The following GTF2H5 variants were observed in gnomAD, a reference collection of about 807,000 sequenced individuals.
The protein encoded by GTF2H5 is general transcription factor IIH subunit 5.
A neutral mutation model predicts 7.1 loss-of-function variants in GTF2H5; 5 were observed. That is an observed-to-expected ratio of 0.71 (90% CI 0.37 to 1.49). The LOEUF (loss-of-function observed/expected upper bound fraction) is 1.49, where lower values mean the gene tolerates loss of function less well. GTF2H5 is among the 40% of genes most tolerant of loss of function. The pLI, the probability that GTF2H5 is intolerant of heterozygous loss-of-function variation, is 0.03. For missense variants in GTF2H5, 80 were observed against 83.0 expected (o/e 0.96, Z 0.14); for synonymous variants, 30 against 31.7 (o/e 0.95, Z 0.18).
rs1474826256 is a variant in GTF2H5 at position 158,192,134 on chromosome 6, G to C, written c.193G>C (p.Ala65Pro). ...ERVGELMDQN[A>P]FSLTQK ...AGTGGGTGAATTAATGGACCAAAAT[G>C]CTTTTTCCCTTACCCAGAAATGAAA... is the stretch of plus-strand genomic sequence containing the variant. Residue 65 changes from alanine to proline, a missense_variant, in exon 3 of 3, where the codon GCT (alanine) becomes CCT (proline). Transcript: ENST00000607778. 6.2e-7 allele frequency: 1 copy of C among 1,613,050 alleles called. No individual in the cohort carries two copies. The highest frequency in any genetic ancestry group is 1.3e-5 in the African/African-American group (1 of 74,990).
At chr6:158,182,606 T>C (rs889728850) in intron 2 of GTF2H5, among the ~76,000 whole-genome samples, 3 of 151,976 alleles carry the variant, frequency 2.0e-5, no homozygotes, top group Non-Finnish European at 4.4e-5. Context: ...TCTTGTCTTC[T>C]TGTTGTATTT....
chr6:158,178,984 AT>A (rs1562472825), intron 2 of GTF2H5, among the ~76,000 whole-genome samples: 1 of 152,090 alleles, frequency 6.6e-6, no homozygotes, highest in Non-Finnish European at 1.5e-5. Context: ...CCTAGGTGTT[AT>A]GTTTAAGTCT....
chr6:158,199,342 C>T lies in GTF2H5; in HGVS notation c.*7185C>T, dbSNP rs1032612995. 1 of 152,280 alleles carries T rather than the reference C, an allele frequency of 6.6e-6. No individual in the cohort carries two copies. Among genetic ancestry groups the T allele is most frequent in the African/African-American group, 2.4e-5 (1 of 41,540 alleles). The allele number at this position is 152,280 out of a possible 1,614,324, so 9.4% of individuals were successfully genotyped here. A position where few individuals can be genotyped will look rare whatever the true frequency, so the allele number is the denominator to read the frequency against. On this transcript the variant is annotated 3_prime_UTR_variant, in exon 3 of 3. Transcript: ENST00000607778. ...GTCTAAAATAAAAATTTTAAAAAAACTATATCTGTCACAGCCTGTTTTTAT... is the reference window on the plus strand; with the variant it reads ...GTCTAAAATAAAAATTTTAAAAAAATTATATCTGTCACAGCCTGTTTTTAT...
In GTF2H5 at chr6:158,192,526, G is replaced by C. The variant is rs1489835313; in HGVS notation, c.*369G>C. The C allele has an allele frequency of 7.3e-6, 2 of 273,192 alleles. No individual in the cohort carries two copies. The highest frequency in any genetic ancestry group is 1.4e-5 in the Non-Finnish European group (2 of 141,302). 16.9% of individuals were successfully genotyped at this position (273,192 alleles called of 1,614,324 possible). The stretch of plus-strand genomic sequence containing the variant: ...GGATGTGATTGTTTGGTTTCAGTTA[G>C]AAACGTCATAGATTTGCTGTTTGAA... On this transcript the variant is annotated 3_prime_UTR_variant, in exon 3 of 3. Transcript: ENST00000607778.
At chr6:158,187,933 A>C (rs1315236343) in intron 2 of GTF2H5, among the ~76,000 whole-genome samples, 1 of 152,192 alleles carries the variant, frequency 6.6e-6, no homozygotes, top group Non-Finnish European at 1.5e-5. Flanking sequence ...GGTATGAGGC[A>C]TGCCCAACCC....
At position 158,197,030 on chromosome 6, in the gene GTF2H5, C is replaced by A. The variant is rs1348956433; in HGVS notation, c.*4873C>A. The stretch of plus-strand genomic sequence containing the variant: ...AGCCCAGGTCAGCTGCAGACAAAAG[C>A]AGAGCTTTCGATGGAAATGTCAAAC... On this transcript the variant is annotated 3_prime_UTR_variant, in exon 3 of 3. Coordinates refer to ENST00000607778, the MANE Select transcript of GTF2H5 (RefSeq NM_207118.3). 1 of 152,250 alleles carries A rather than the reference C, an allele frequency of 6.6e-6. No homozygotes were observed. Among genetic ancestry groups the A allele is most frequent in the Non-Finnish European group, 1.5e-5 (1 of 68,050 alleles). 9.4% of individuals were successfully genotyped at this position (152,250 alleles called of 1,614,324 possible).
chr6:158,170,699 G>A (rs1370195688), intron 2 of GTF2H5, among the ~76,000 whole-genome samples, 161 bp downstream of exon 2: 1 of 152,180 alleles, frequency 6.6e-6, no homozygotes, highest in African/African-American at 2.4e-5. Context: ...CCTGGTGCCA[G>A]ATTTCAGTCC....
In GTF2H5 at chr6:158,193,948, C is replaced by CA. The variant is rs1380685359; in HGVS notation, c.*1792dup. The CA allele has an allele frequency of 1.8e-4, 26 of 142,938 alleles. No homozygotes were observed. The highest frequency in any genetic ancestry group is 6.6e-4 in the African/African-American group (25 of 38,166). The allele number at this position is 142,938 out of a possible 1,614,324, so 8.9% of individuals were successfully genotyped here. A position where few individuals can be genotyped will look rare whatever the true frequency, so the allele number is the denominator to read the frequency against. On this transcript the variant is annotated 3_prime_UTR_variant, in exon 3 of 3. Coordinates refer to ENST00000607778, the MANE Select transcript of GTF2H5 (RefSeq NM_207118.3). ...AGCTTGCAGTAAGCTGAGATTGTGCCACTGCACTCCAGCCTGGGCGACAGA... is the reference window on the plus strand; with the variant it reads ...AGCTTGCAGTAAGCTGAGATTGTGCCAACTGCACTCCAGCCTGGGCGACAGA...
intron 2 of GTF2H5, among the ~76,000 whole-genome samples, chr6:158,172,585 A>G (rs1451650224): frequency 6.6e-6 from 1 of 152,280 alleles, no homozygotes; most frequent in South Asian, 2.1e-4. Flanking sequence ...GGCATGAGCC[A>G]CTGCACCCAG....
At chr6:158,188,034 G>A (rs201705842) in intron 2 of GTF2H5, among the ~76,000 whole-genome samples, 1 of 152,158 alleles carries the variant, frequency 6.6e-6, no homozygotes, top group Non-Finnish European at 1.5e-5. Context: ...TGGCAGATGG[G>A]GGGTGGGGTG....
intron 2 of GTF2H5, among the ~76,000 whole-genome samples, chr6:158,175,902 A>C (rs138173300): frequency 5.3e-4 from 81 of 152,348 alleles, no homozygotes; most frequent in African/African-American, 1.8e-3. Context: ...CAGACATTTT[A>C]AGTGATTCAG....
rs116151978 is a variant in GTF2H5, at chr6:158,170,821, T to C, written c.35+283T>C. Among the ~76,000 whole-genome samples, 1,332 of 152,314 alleles carry C rather than the reference T, an allele frequency of 8.7e-3. 22 individuals are homozygous for C. Among genetic ancestry groups the C allele is most frequent in the African/African-American group, 0.03 (1,260 of 41,562 alleles). ...CTCAAACATGATGAATTTTAGGGCC[T>C]GAAAGAGTTCAGGAACTTGCTTAAG... On this transcript the variant is annotated intron_variant, in intron 2 of 2. Transcript: ENST00000607778.
rs578172603 is a variant in GTF2H5 at position 158,169,191 on chromosome 6, G to A, written c.-35+796G>A. ...AGAGGTTGCAGTGAGCCGACATCAC[G>A]ACACTGCGCTCCAGCCTGGGCGACA... is the stretch of plus-strand genomic sequence containing the variant. On this transcript the variant is annotated intron_variant, in intron 1 of 2. Transcript: ENST00000607778. Among the ~76,000 whole-genome samples, 7 of 146,584 alleles carry A rather than the reference G, an allele frequency of 4.8e-5. No homozygotes were observed. The East Asian group carries it at 5.9e-4, about 12-fold the overall frequency.
intron 1 of GTF2H5, among the ~76,000 whole-genome samples, chr6:158,169,386 T>A (rs1370713663): frequency 3.9e-4 from 38 of 97,196 alleles, no homozygotes; most frequent in African/African-American, 1.5e-3. Context: ...TATTATATAT[T>A]ATATATAATA....
chr6:158,185,602 G>T (rs1776906335), intron 2 of GTF2H5, among the ~76,000 whole-genome samples: 1 of 151,582 alleles, frequency 6.6e-6, no homozygotes, highest in Non-Finnish European at 1.5e-5. Flanking sequence ...AGTGTTCACT[G>T]GCCAGTCATT....
rs10625768 is a variant in GTF2H5, at chr6:158,192,905, C to CAAAAAAA, written c.*768_*774dup. ...CCTGGACAACAGAGAGACCCTGCCT[C>CAAAAAAA]AAAAAAAAAAAAAAAAAAAAAAAAA... On this transcript the variant is annotated 3_prime_UTR_variant, in exon 3 of 3. Transcript: ENST00000607778. The CAAAAAAA allele has an allele frequency of 8.1e-5, 4 of 49,326 alleles. 2 individuals are homozygous for CAAAAAAA. The highest frequency in any genetic ancestry group is 3.2e-4 in the African/African-American group (4 of 12,640). 3.1% of individuals were successfully genotyped at this position (49,326 alleles called of 1,614,324 possible).
At chr6:158,189,771 T>A (rs947388080) in intron 2 of GTF2H5, among the ~76,000 whole-genome samples, 1 of 152,210 alleles carries the variant, frequency 6.6e-6, no homozygotes, top group African/African-American at 2.4e-5. Context: ...CTCTTCACTG[T>A]CTCTAATTTC....
intron 2 of GTF2H5, among the ~76,000 whole-genome samples, chr6:158,182,683 T>A (rs1315686927): frequency 6.6e-6 from 1 of 151,996 alleles, no homozygotes; most frequent in Non-Finnish European, 1.5e-5. Context: ...TTGAAGCTTG[T>A]ATGTGCTTCA....
intron 1 of GTF2H5, among the ~76,000 whole-genome samples, chr6:158,169,502 A>AT (rs1583624352): frequency 9.6e-5 from 6 of 62,736 alleles, no homozygotes; most frequent in East Asian, 5.2e-4. Flanking sequence ...ATATTATATA[A>AT]TATATTGTAT....
Sources: allele counts gnomAD v4.1 joint callset (sites outside exome capture counted in the v4.1 genomes callset), GRCh38; gene constraint gnomAD v4.1.1; transcripts MANE v1.5; gene names NCBI Gene and HGNC (gene_info 2026-07-23, HGNC 2026-07-21).